The following AKT3 variants were observed in gnomAD, a reference collection of about 807,000 sequenced individuals.
The protein encoded by AKT3 is RAC-gamma serine/threonine-protein kinase.
A neutral mutation model predicts 65.3 loss-of-function variants in AKT3; 15 were observed. The observed-to-expected ratio is 0.23, with a 90% CI of 0.15 to 0.35. AKT3 has a LOEUF of 0.35. AKT3 is among the 10% of genes least tolerant of loss of function. The pLI is 1.00. For synonymous variants in AKT3, 206 were observed against 183.8 expected, an observed-to-expected ratio of 1.12 and a Z score of -0.98; for missense variants, 243 against 576.5, an observed-to-expected ratio of 0.42 and a Z score of 5.92.
At chr1:243,559,081 A>G (rs1673593283) in intron 10 of AKT3, among the ~76,000 whole-genome samples, 1 of 152,100 alleles carries the variant, frequency 6.6e-6, no homozygotes, top group Admixed American at 6.6e-5. Flanking sequence ...TTTATATGTG[A>G]TTTCTAATTT....
intron 6 of AKT3, among the ~76,000 whole-genome samples, chr1:243,629,629 A>G (rs1184881841): frequency 1.3e-5 from 2 of 152,056 alleles, no homozygotes; most frequent in East Asian, 1.9e-4. Context: ...CGTCTCTACT[A>G]AAAGTACAAA....
intron 13 of AKT3, among the ~76,000 whole-genome samples, chr1:243,511,717 AC>A (rs1345453162): frequency 6.6e-6 from 1 of 152,160 alleles, no homozygotes; most frequent in Non-Finnish European, 1.5e-5. Context: ...TTACAGCTCC[AC>A]TTATTTATGG....
At chr1:243,597,117 T>C (rs2148565445) in intron 8 of AKT3, among the ~76,000 whole-genome samples, 1 of 152,310 alleles carries the variant, frequency 6.6e-6, no homozygotes, top group African/African-American at 2.4e-5. Context: ...TGAGAATGTT[T>C]TATATTTTTA....
chr1:243,719,784 G>C (rs1686759145), intron 2 of AKT3, among the ~76,000 whole-genome samples: 1 of 152,150 alleles, frequency 6.6e-6, no homozygotes, highest in African/African-American at 2.4e-5. Flanking sequence ...CCTAGAGGAG[G>C]CATGCGTTAA....
At chr1:243,658,221 A>G (rs981540423) in intron 4 of AKT3, among the ~76,000 whole-genome samples, 8 of 152,242 alleles carry the variant, frequency 5.3e-5, no homozygotes, top group African/African-American at 1.9e-4. Flanking sequence ...CTTAATATTC[A>G]AAATGTATAG....
At chr1:243,777,461 A>G (rs893532453) in intron 2 of AKT3, among the ~76,000 whole-genome samples, 1 of 152,218 alleles carries the variant, frequency 6.6e-6, no homozygotes, top group Admixed American at 6.5e-5. Flanking sequence ...GAAAAATTGT[A>G]ACAGAAATAA....
chr1:243,739,266 T>C (rs1311764549), intron 2 of AKT3, among the ~76,000 whole-genome samples: 1 of 152,162 alleles, frequency 6.6e-6, no homozygotes, highest in African/African-American at 2.4e-5. Flanking sequence ...CAAAATATGA[T>C]CATTTCAACA....
chr1:243,534,381 C>CA, intron 12 of AKT3, among the ~76,000 whole-genome samples: 1 of 152,208 alleles, frequency 6.6e-6, no homozygotes, highest in East Asian at 1.9e-4. Context: ...ATACGTGAGG[C>CA]AAAAACTGAT....
At chr1:243,670,718 G>A (rs1282431812) in intron 3 of AKT3, among the ~76,000 whole-genome samples, 1 of 152,118 alleles carries the variant, frequency 6.6e-6, no homozygotes, top group African/African-American at 2.4e-5. Flanking sequence ...CTACTTCTCA[G>A]TGTTATTTGT....
intron 2 of AKT3, among the ~76,000 whole-genome samples, chr1:243,756,476 A>G (rs1689146000): frequency 6.6e-6 from 1 of 152,218 alleles, no homozygotes; most frequent in Admixed American, 6.5e-5. Context: ...CGCTGGCCAC[A>G]TCTGAGACAA....
intron 3 of AKT3, among the ~76,000 whole-genome samples, chr1:243,671,298 T>C (rs1683143479): frequency 6.6e-6 from 1 of 152,118 alleles, no homozygotes; most frequent in Non-Finnish European, 1.5e-5. Context: ...CAGGATGGTC[T>C]CTCGATTTCC....
chr1:243,843,206 G>A lies in AKT3; in HGVS notation c.-36C>T. The A allele has an allele frequency of 1.9e-6, 3 of 1,608,434 alleles. No homozygotes were observed. Among genetic ancestry groups the A allele is most frequent in the East Asian group, 2.2e-5 (1 of 44,766 alleles). On this transcript the variant is annotated 5_prime_UTR_variant, in exon 2 of 14. Coordinates refer to ENST00000673466, the MANE Select transcript of AKT3 (RefSeq NM_005465.7). ...CTCTGAGCCCCCAACTTGGAGAAAT[G>A]GTACTTTGTGATATCAGCTTTAGGG...
chr1:243,797,429 G>C (rs532524190), intron 2 of AKT3, among the ~76,000 whole-genome samples: 3 of 152,256 alleles, frequency 2.0e-5, no homozygotes, highest in Admixed American at 6.5e-5. Flanking sequence ...ATAATAGGAA[G>C]ACACTCAATA....
chr1:243,545,431 A>C, intron 12 of AKT3, 79 bp downstream of exon 12: 1 of 798,926 alleles, frequency 1.3e-6, no homozygotes, highest in Non-Finnish European at 2.1e-6. Context: ...ACTTTTATTC[A>C]CTTAAAATAT....
chr1:243,679,679 T>TTTA (rs1558712116), intron 3 of AKT3, among the ~76,000 whole-genome samples: 37 of 152,324 alleles, frequency 2.4e-4, no homozygotes, highest in African/African-American at 8.4e-4. Context: ...AAACCTAACA[T>TTTA]GAATTAACAT....
At chr1:243,574,276 A>C (rs1376967532) in intron 8 of AKT3, among the ~76,000 whole-genome samples, 1 of 150,978 alleles carries the variant, frequency 6.6e-6, no homozygotes, top group Non-Finnish European at 1.5e-5. Context: ...ACTTAACAGC[A>C]TATTATAAGA....
intron 10 of AKT3, among the ~76,000 whole-genome samples, chr1:243,563,106 T>A (rs1273168193): frequency 6.6e-6 from 1 of 152,204 alleles, no homozygotes; most frequent in Non-Finnish European, 1.5e-5. Flanking sequence ...TCCCTGAGAC[T>A]AGGATCCTTT....
At chr1:243,527,906 C>CTCCATCTCTTA (rs1558590127) in intron 12 of AKT3, among the ~76,000 whole-genome samples, 5 of 116,020 alleles carry the variant, frequency 4.3e-5, no homozygotes, top group African/African-American at 2.2e-4. Flanking sequence ...CACACACACA[C>CTCCATCTCTTA]ACACACACAC....
At chr1:243,829,034 A>G (rs1030116320) in intron 2 of AKT3, among the ~76,000 whole-genome samples, 21 of 152,194 alleles carry the variant, frequency 1.4e-4, no homozygotes, top group African/African-American at 5.1e-4. Flanking sequence ...CACAGAATAA[A>G]GTGTAAAAGT....
Sources: allele counts gnomAD v4.1 joint callset (sites outside exome capture counted in the v4.1 genomes callset), GRCh38; gene constraint gnomAD v4.1.1; transcripts MANE v1.5; gene names NCBI Gene and HGNC (gene_info 2026-07-23, HGNC 2026-07-21).